NKAIN2: variants seen among roughly 807,000 people sequenced by gnomAD.
The protein encoded by NKAIN2 is sodium/potassium transporting ATPase interacting 2, also known as sodium/potassium-transporting ATPase subunit beta-1-interacting protein 2.
In NKAIN2, 14 loss-of-function variants were observed where a neutral mutation model predicts 32.6. The ratio of observed to expected loss-of-function variants is 0.43; its 90% CI spans 0.28 to 0.67. NKAIN2 has a LOEUF of 0.67. Ranked by LOEUF, NKAIN2 falls within the 30% of genes least tolerant of loss-of-function variation. The pLI, the probability that NKAIN2 is intolerant of heterozygous loss-of-function variation, is 0.17. For missense variants in NKAIN2, 198 were observed against 258.3 expected (o/e 0.77, Z 1.60); for synonymous variants, 80 against 87.2 (o/e 0.92, Z 0.46).
chr6:124,347,789 T>G (rs1459257111), intron 2 of NKAIN2, among the ~76,000 whole-genome samples: 1 of 152,360 alleles, frequency 6.6e-6, no homozygotes, highest in Non-Finnish European at 1.5e-5. Flanking sequence ...AATTTCCTCC[T>G]GTAGCTCGGA....
rs150740779 is a variant in NKAIN2, at chr6:124,796,701, G to A, written c.535+5302G>A. Among the ~76,000 whole-genome samples, 530 of 152,288 alleles carry A rather than the reference G, an allele frequency of 3.5e-3. 1 individual carries two copies. Among genetic ancestry groups the A allele is most frequent in the Admixed American group, 6.0e-3 (92 of 15,292 alleles). On this transcript the variant is annotated intron_variant, in intron 5 of 6. Coordinates refer to ENST00000368417, the MANE Select transcript of NKAIN2 (RefSeq NM_001040214.3). ...GATAAAAGCTGAGGTCCCTGCTCTA[G>A]AGGATGTGGCTTGACCTTAGAACCC...
intron 3 of NKAIN2, among the ~76,000 whole-genome samples, chr6:124,626,719 AGGG>A (rs1783363977): frequency 6.6e-6 from 1 of 152,134 alleles, no homozygotes; most frequent in Admixed American, 6.5e-5. Flanking sequence ...GGGTATATTC[AGGG>A]CCACCACATA....
At chr6:124,227,175 G>A (rs1181917535) in intron 1 of NKAIN2, among the ~76,000 whole-genome samples, 1 of 151,868 alleles carries the variant, frequency 6.6e-6, no homozygotes. Flanking sequence ...GCCACTTAGA[G>A]GGACTTGATC....
chr6:124,569,495 T>A (rs1781045128), intron 3 of NKAIN2, among the ~76,000 whole-genome samples: 2 of 152,200 alleles, frequency 1.3e-5, no homozygotes, highest in African/African-American at 4.8e-5. Context: ...AATTCCCAGT[T>A]GTGGGAGGGA....
intron 3 of NKAIN2, among the ~76,000 whole-genome samples, chr6:124,565,257 C>A (rs1232477648): frequency 6.6e-6 from 1 of 152,116 alleles, no homozygotes; most frequent in Non-Finnish European, 1.5e-5. Context: ...TTCTAACCTC[C>A]CCAAAGAGAT....
At chr6:124,706,750 C>A (rs1219453673) in intron 4 of NKAIN2, among the ~76,000 whole-genome samples, 2 of 152,148 alleles carry the variant, frequency 1.3e-5, no homozygotes, top group Non-Finnish European at 2.9e-5. Context: ...ACTGCTTAAT[C>A]TGGCATGTAA....
intron 4 of NKAIN2, among the ~76,000 whole-genome samples, chr6:124,751,061 G>A (rs1777696589): frequency 6.6e-6 from 1 of 152,044 alleles, no homozygotes; most frequent in South Asian, 2.1e-4. Flanking sequence ...ACTTTGTAGT[G>A]TCAAAACCAC....
chr6:123,870,509 C>T (rs1772815589), intron 1 of NKAIN2, among the ~76,000 whole-genome samples: 1 of 152,170 alleles, frequency 6.6e-6, no homozygotes. Flanking sequence ...GATTGATGTT[C>T]TCTAAGCTTT....
At chr6:124,756,242 A>T (rs573980848) in intron 4 of NKAIN2, among the ~76,000 whole-genome samples, 1 of 152,262 alleles carries the variant, frequency 6.6e-6, no homozygotes, top group South Asian at 2.1e-4. Context: ...TTCCCAAAAA[A>T]CTGGCTGCCT....
chr6:123,976,420 A>AAG (rs1778642925), intron 1 of NKAIN2, among the ~76,000 whole-genome samples: 1 of 70,906 alleles, frequency 1.4e-5, no homozygotes, highest in Non-Finnish European at 3.0e-5. Context: ...TATATATGGA[A>AAG]AGAGAGAGAG....
intron 1 of NKAIN2, among the ~76,000 whole-genome samples, chr6:124,058,991 G>A (rs953003302): frequency 1.3e-5 from 2 of 151,892 alleles, no homozygotes; most frequent in African/African-American, 4.8e-5. Context: ...AATAAGTTAG[G>A]ACAACAGGCA....
intron 3 of NKAIN2, among the ~76,000 whole-genome samples, chr6:124,436,551 A>G (rs1421159379): frequency 1.3e-5 from 2 of 152,152 alleles, no homozygotes; most frequent in Non-Finnish European, 2.9e-5. Flanking sequence ...TTTGAATAGA[A>G]CTTTTAATCC....
chr6:124,759,588 A>AACACACACACACACACAC (rs542448143), intron 4 of NKAIN2, among the ~76,000 whole-genome samples: 2 of 84,492 alleles, frequency 2.4e-5, no homozygotes, highest in African/African-American at 1.1e-4. Context: ...CTGAAATTGC[A>AACACACACACACACACAC]ACACACACAC....
At chr6:124,566,596 G>A (rs1347564575) in intron 3 of NKAIN2, among the ~76,000 whole-genome samples, 1 of 152,044 alleles carries the variant, frequency 6.6e-6, no homozygotes, top group Non-Finnish European at 1.5e-5. Context: ...GTTTTTCTCT[G>A]CAGGATATTA....
intron 3 of NKAIN2, among the ~76,000 whole-genome samples, chr6:124,572,577 C>G (rs73569274): frequency 0.011 from 1,741 of 152,038 alleles, 35 homozygotes; most frequent in African/African-American, 0.04. Flanking sequence ...ACAAGGGTGG[C>G]GCACACAAAA....
intron 3 of NKAIN2, among the ~76,000 whole-genome samples, chr6:124,413,736 A>G (rs1432692897): frequency 1.3e-5 from 2 of 152,208 alleles, no homozygotes; most frequent in East Asian, 3.9e-4. Flanking sequence ...GCAATGGAAA[A>G]TATACATATC....
intron 4 of NKAIN2, among the ~76,000 whole-genome samples, chr6:124,697,309 G>GA (rs1774544010): frequency 1.3e-5 from 2 of 152,068 alleles, no homozygotes; most frequent in South Asian, 4.1e-4. Flanking sequence ...GTCTTGTGTT[G>GA]AAAAACACAA....
chr6:123,821,337 A>G (rs1393276127), intron 1 of NKAIN2, among the ~76,000 whole-genome samples: 1 of 152,220 alleles, frequency 6.6e-6, no homozygotes, highest in Non-Finnish European at 1.5e-5. Flanking sequence ...GAGAATGAGA[A>G]CAGCTGGTGT....
intron 3 of NKAIN2, among the ~76,000 whole-genome samples, chr6:124,499,122 T>A (rs1778183664): frequency 6.6e-6 from 1 of 152,192 alleles, no homozygotes; most frequent in African/African-American, 2.4e-5. Flanking sequence ...AATCTCTTCA[T>A]GTAAAAAGGG....
Sources: gnomAD v4.1 joint callset for allele counts (sites outside exome capture counted in the v4.1 genomes callset) on GRCh38, gnomAD v4.1.1 for gene constraint, MANE v1.5 for transcripts, NCBI Gene and HGNC (gene_info 2026-07-23, HGNC 2026-07-21) for gene names.